The following UPP2 variants were observed in gnomAD, a reference collection of about 807,000 sequenced individuals.
UPP2 encodes the protein uridine phosphorylase 2.
A neutral mutation model predicts 26.7 loss-of-function variants in UPP2; 23 were observed. The observed-to-expected ratio is 0.86, with a 90% CI of 0.62 to 1.22. UPP2 has a LOEUF of 1.22. Among genes scored for constraint, UPP2 ranks in the 50% most tolerant of loss-of-function variants. The pLI is 0.00. For synonymous variants in UPP2, 127 were observed against 141.3 expected (o/e 0.90, Z 0.72); for missense variants, 387 against 396.7 (o/e 0.98, Z 0.21).
At chr2:158,046,946 A>G (rs967893409) in intron 3 of UPP2, among the ~76,000 whole-genome samples, 20 of 152,348 alleles carry the variant, frequency 1.3e-4, no homozygotes, top group Admixed American at 1.2e-3. Flanking sequence ...ATGATTTTCC[A>G]AAGAATTTAA....
chr2:158,014,742 A>G (rs1051023969), intron 2 of UPP2, among the ~76,000 whole-genome samples: 1 of 152,166 alleles, frequency 6.6e-6, no homozygotes, highest in African/African-American at 2.4e-5. Context: ...CCCCACCCAA[A>G]TAGAGATCAT....
intron 3 of UPP2, among the ~76,000 whole-genome samples, chr2:158,017,589 A>G (rs1683680727): frequency 6.6e-6 from 1 of 152,254 alleles, no homozygotes; most frequent in African/African-American, 2.4e-5. Flanking sequence ...TTATAGAAAC[A>G]TAAAGTCAAA....
chr2:158,105,546 A>G (rs1443167198), intron 1 of UPP2, among the ~76,000 whole-genome samples: 1 of 152,236 alleles, frequency 6.6e-6, no homozygotes, highest in East Asian at 1.9e-4. Flanking sequence ...AGAAGAGTCC[A>G]TGAAGTGTCC....
intron 2 of UPP2, among the ~76,000 whole-genome samples, chr2:158,005,955 G>A (rs577180036): frequency 6.6e-6 from 1 of 152,076 alleles, no homozygotes. Context: ...ATCCTGAGGC[G>A]TGTTCATCCC....
intron 2 of UPP2, among the ~76,000 whole-genome samples, chr2:158,009,197 A>C (rs1238285267): frequency 2.0e-5 from 3 of 152,222 alleles, no homozygotes; most frequent in Non-Finnish European, 4.4e-5. Flanking sequence ...AGATTTTTTC[A>C]GGAAAAGTTA....
intron 3 of UPP2, among the ~76,000 whole-genome samples, chr2:158,063,629 G>A (rs1487197278): frequency 6.6e-6 from 1 of 151,910 alleles, no homozygotes; most frequent in Non-Finnish European, 1.5e-5. Context: ...TTAAGTTCTG[G>A]GGTACATGTG....
chr2:158,026,064 C>G (rs909658719), intron 3 of UPP2, among the ~76,000 whole-genome samples: 1 of 152,080 alleles, frequency 6.6e-6, no homozygotes, highest in East Asian at 1.9e-4. Context: ...CCTCTCCAGC[C>G]TTCTTCATTG....
chr2:158,127,646 A>G (rs1308998657), intron 6 of UPP2, among the ~76,000 whole-genome samples: 1 of 152,230 alleles, frequency 6.6e-6, no homozygotes, highest in Non-Finnish European at 1.5e-5. Flanking sequence ...TAAGGTCTAT[A>G]CAAATATTTA....
At chr2:158,058,772 G>A (rs1279410894) in intron 3 of UPP2, among the ~76,000 whole-genome samples, 1 of 127,742 alleles carries the variant, frequency 7.8e-6, no homozygotes, top group Non-Finnish European at 1.5e-5. Flanking sequence ...TTGAGGGAAC[G>A]AACCCTGGTT....
chr2:158,027,357 G>T (rs1276227363), intron 3 of UPP2, among the ~76,000 whole-genome samples: 1 of 152,152 alleles, frequency 6.6e-6, no homozygotes, highest in Non-Finnish European at 1.5e-5. Context: ...AGGGGTTACA[G>T]GACCCATGCA....
At chr2:158,004,873 G>A (rs1458799495) in intron 2 of UPP2, among the ~76,000 whole-genome samples, 1 of 152,162 alleles carries the variant, frequency 6.6e-6, no homozygotes, top group African/African-American at 2.4e-5. Context: ...TAAAATGCCT[G>A]GCATAAAGCC....
rs1308569355 is a variant in UPP2, at chr2:158,123,945, T to C, written c.811+50T>C. ...GTCAAATTCTCCTCTTTCATGAAGC[T>C]ACTTTTACACCTTAGGAGAAGAAAA... is the stretch of plus-strand genomic sequence containing the variant. On this transcript the variant is annotated intron_variant, in intron 6 of 6. Transcript: ENST00000005756. 2.5e-6 allele frequency: 4 copies of C among 1,592,658 alleles called. No homozygotes were observed. In the Admixed American group the frequency reaches 7.0e-5, roughly 28 times the overall value.
intron 2 of UPP2, among the ~76,000 whole-genome samples, chr2:158,009,991 A>T (rs1284424533): frequency 6.6e-6 from 1 of 152,256 alleles, no homozygotes; most frequent in Non-Finnish European, 1.5e-5. Flanking sequence ...GGTCAAAGTG[A>T]TTTAATTTAG....
At chr2:157,998,300 T>C (rs1252010814) in intron 2 of UPP2, among the ~76,000 whole-genome samples, 1 of 152,124 alleles carries the variant, frequency 6.6e-6, no homozygotes, top group Non-Finnish European at 1.5e-5. Context: ...TCCTCCCACC[T>C]AATGCTCCAC....
At chr2:158,003,155 G>A (rs1334323028) in intron 2 of UPP2, among the ~76,000 whole-genome samples, 1 of 152,102 alleles carries the variant, frequency 6.6e-6, no homozygotes, top group Non-Finnish European at 1.5e-5. Flanking sequence ...TCACAACTTA[G>A]GGGGCTCAGG....
chr2:158,040,895 T>A (rs1684073932), intron 3 of UPP2, among the ~76,000 whole-genome samples: 1 of 152,190 alleles, frequency 6.6e-6, no homozygotes, highest in Admixed American at 6.5e-5. Context: ...GGGTTAGTCA[T>A]TGAACCTGCT....
intron 3 of UPP2, among the ~76,000 whole-genome samples, chr2:158,115,846 G>A (rs562140921): frequency 4.1e-4 from 62 of 152,324 alleles, no homozygotes; most frequent in African/African-American, 1.4e-3. Flanking sequence ...ACTGATGAGG[G>A]CGTATGTGCA....
Position 158,128,096 on chromosome 2 carries a change from G to C in UPP2, c.811+4201G>C, listed in dbSNP as rs114344204. On this transcript the variant is annotated intron_variant, in intron 6 of 6. Transcript: ENST00000005756. ...CAGTGCTGCCTTTTGACACAGGCTT[G>C]CCTGACAATATATGAAGCCTAATAT... is the stretch of plus-strand genomic sequence containing the variant. 4.8e-6 allele frequency: 4 copies of C among 838,164 alleles called. No individual in the cohort carries two copies. The Admixed American group carries it at 2.5e-4, about 52-fold the overall frequency. 51.9% of individuals were successfully genotyped at this position (838,164 alleles called of 1,614,324 possible).
chr2:158,028,516 G>T (rs1182128615), intron 3 of UPP2, among the ~76,000 whole-genome samples: 1 of 152,150 alleles, frequency 6.6e-6, no homozygotes, highest in African/African-American at 2.4e-5. Context: ...TCTCTAGGAA[G>T]TTCCAAACTT....
Sources: gnomAD v4.1 joint callset for allele counts (sites outside exome capture counted in the v4.1 genomes callset) on GRCh38, gnomAD v4.1.1 for gene constraint, MANE v1.5 for transcripts, NCBI Gene and HGNC (gene_info 2026-07-23, HGNC 2026-07-21) for gene names.